Variants in CD8A observed in about 807,000 individuals in gnomAD.
The protein encoded by CD8A is T-cell surface glycoprotein CD8 alpha chain.
Under a neutral mutation model 24.2 loss-of-function variants are expected in CD8A, and 25 were observed. The observed-to-expected ratio is 1.03, with a 90% CI of 0.75 to 1.44. The LOEUF is 1.44. Among genes scored for constraint, CD8A ranks in the 40% most tolerant of loss-of-function variants. The pLI, the probability that CD8A is intolerant of heterozygous loss-of-function variation, is 0.00. For synonymous variants in CD8A, 165 were observed against 149.9 expected (o/e 1.10, Z -0.74); for missense variants, 360 against 319.7 (o/e 1.13, Z -0.96).
chr2:86,787,898 A>AGAGAGAGAGTGTGTGTGTGT (rs369993109), intron 5 of CD8A, among the ~76,000 whole-genome samples: 331 of 144,592 alleles, frequency 2.3e-3, no homozygotes, highest in Non-Finnish European at 3.4e-3. Context: ...AGAGAGAGAG[A>AGAGAGAGAGTGTGTGTGTGT]GTGTGTGTGT....
chr2:86,795,481 G>A (rs1360278488), upstream of CD8A, among the ~76,000 whole-genome samples: 1 of 152,180 alleles, frequency 6.6e-6, no homozygotes, highest in Non-Finnish European at 1.5e-5. Flanking sequence ...AGGAAGGGGA[G>A]AAGGCAGATG....
At chr2:86,795,809 G>T (rs1461965900), upstream of CD8A, among the ~76,000 whole-genome samples, 1 of 152,234 alleles carries the variant, frequency 6.6e-6, no homozygotes, top group Non-Finnish European at 1.5e-5. Flanking sequence ...AAAGTCAGAG[G>T]CTACTTTAAA....
intron 3 of CD8A, among the ~76,000 whole-genome samples, chr2:86,796,988 CT>C (rs1178280852): frequency 6.6e-6 from 1 of 152,176 alleles, no homozygotes; most frequent in Non-Finnish European, 1.5e-5. Context: ...GACTGATCTC[CT>C]ATCTCCTTGG....
Position 86,785,196 on chromosome 2 carries a change from A to G in CD8A, c.*724T>C, listed in dbSNP as rs575591308. 4.4e-6 allele frequency: 2 copies of G among 453,954 alleles called. No individual in the cohort carries two copies. Among genetic ancestry groups the G allele is most frequent in the Non-Finnish European group, 8.8e-6 (2 of 226,770 alleles). The allele number at this position is 453,954 out of a possible 1,614,324, so 28.1% of individuals were successfully genotyped here. A position where few individuals can be genotyped will look rare whatever the true frequency, so the allele number is the denominator to read the frequency against. ...TAGGGGTTTCACAGAGATTTTCTTT[A>G]GAGATAGAGGGATTCATTTTCCAGG... On this transcript the variant is annotated 3_prime_UTR_variant, in exon 6 of 6. Coordinates refer to ENST00000283635, the MANE Select transcript of CD8A (RefSeq NM_001768.7).
chr2:86,798,676 C>G (rs1428267500), intron 3 of CD8A, among the ~76,000 whole-genome samples: 1 of 152,120 alleles, frequency 6.6e-6, no homozygotes, highest in Non-Finnish European at 1.5e-5. Flanking sequence ...GTGCACGGCA[C>G]CATGCCCAGC....
intron 3 of CD8A, among the ~76,000 whole-genome samples, chr2:86,800,523 T>G (rs1216421700): frequency 1.3e-5 from 2 of 151,738 alleles, no homozygotes; most frequent in Non-Finnish European, 2.9e-5. Context: ...TGTCTTGAAA[T>G]TAAATTAAAA....
At chr2:86,790,245 GA>G in intron 2 of CD8A, 82 bp downstream of exon 2, 1 of 1,024,094 alleles carries the variant, frequency 9.8e-7, no homozygotes, top group Non-Finnish European at 1.5e-6. Context: ...TAAGAGGCTT[GA>G]AAGCAGGGCC....
chr2:86,790,341 C>T lies in CD8A; in HGVS notation c.390G>A (p.Pro130=). The change falls in exon 2 of 6, where the codon CCG becomes CCA. Residue 130 remains proline (P), a synonymous_variant. Transcript: ENST00000283635. The part of the protein sequence containing the change: ...NSIMYFSHFV[P]VFLPAKPTTT... ...CGGCGCGCGGACCTGGCAGGAAGAC[C>T]GGCACGAAGTGGCTGAAGTACATGA... 1.2e-6 allele frequency: 2 copies of T among 1,613,412 alleles called. No individual in the cohort carries two copies. Among genetic ancestry groups the T allele is most frequent in the Non-Finnish European group, 1.7e-6 (2 of 1,179,518 alleles).
intron 3 of CD8A, among the ~76,000 whole-genome samples, chr2:86,798,103 T>C (rs1673539756): frequency 6.6e-6 from 1 of 152,222 alleles, no homozygotes; most frequent in Non-Finnish European, 1.5e-5. Context: ...TATGAAATGT[T>C]CGTCTTTACC....
At chr2:86,803,904 A>T (rs1026212201) in intron 2 of CD8A, among the ~76,000 whole-genome samples, 1 of 152,238 alleles carries the variant, frequency 6.6e-6, no homozygotes. Flanking sequence ...GGTTATCAAG[A>T]TTGGAGTAGG....
In CD8A at chr2:86,788,421, C is replaced by T. The variant is rs1004549985; in HGVS notation, c.656+109G>A. 13 of 868,472 alleles carry T rather than the reference C, an allele frequency of 1.5e-5. 1 individual carries two copies. Among genetic ancestry groups the T allele is most frequent in the Non-Finnish European group, 2.3e-5 (12 of 519,476 alleles). The allele number at this position is 868,472 out of a possible 1,614,324, so 53.8% of individuals were successfully genotyped here. A position where few individuals can be genotyped will look rare whatever the true frequency, so the allele number is the denominator to read the frequency against. ...GCTGACTCCCTGCCCCAGGATTTCA[C>T]GGCCATGACCTCTCTCTGGGAAAAG... On this transcript the variant is annotated intron_variant, in intron 5 of 5. Coordinates refer to ENST00000283635, the MANE Select transcript of CD8A (RefSeq NM_001768.7).
At chr2:86,795,760 G>A (rs1397561242), upstream of CD8A, among the ~76,000 whole-genome samples, 2 of 152,134 alleles carry the variant, frequency 1.3e-5, no homozygotes, top group African/African-American at 4.8e-5. Context: ...AGAGCCCACA[G>A]CCACCCATGT....
chr2:86,791,153 T>C (rs1673292135), upstream of CD8A: 1 of 587,588 alleles, frequency 1.7e-6, no homozygotes, highest in Admixed American at 2.3e-5. Context: ...ATGGTTGTCT[T>C]GTGAGAGTGA....
chr2:86,805,001 C>T (rs1434910295), intron 2 of CD8A, among the ~76,000 whole-genome samples: 1 of 151,744 alleles, frequency 6.6e-6, no homozygotes, highest in Non-Finnish European at 1.5e-5. Flanking sequence ...CAGAGTTTTG[C>T]CATGTTGGCC....
At chr2:86,789,899 G>A (rs1353528305) in intron 2 of CD8A, 149 bp from the exon 3 acceptor site, 2 of 559,398 alleles carry the variant, frequency 3.6e-6, no homozygotes, top group Non-Finnish European at 3.0e-6. Context: ...GGGACCCCGG[G>A]ATGCGCGCGG....
chr2:86,803,692 C>A (rs528015562), intron 2 of CD8A, among the ~76,000 whole-genome samples: 1 of 152,306 alleles, frequency 6.6e-6, no homozygotes, highest in South Asian at 2.1e-4. Flanking sequence ...GCTGGGACTA[C>A]AGGCACCTGC....
chr2:86,791,577 C>G (rs542526339), upstream of CD8A: 37 of 454,104 alleles, frequency 8.1e-5, no homozygotes, highest in Non-Finnish European at 1.5e-4. Context: ...CTCTCCTGAT[C>G]AGTCCTCCAG....
At position 86,785,320 on chromosome 2, in the gene CD8A, A is replaced by C; in HGVS notation, c.*600T>G. On this transcript the variant is annotated 3_prime_UTR_variant, in exon 6 of 6. Coordinates refer to ENST00000283635, the MANE Select transcript of CD8A (RefSeq NM_001768.7). ...ATTGTTTACATTATAGAACTCTGCC[A>C]AAGGCAGTTCTCTTCTTTAATTCAT... 2.2e-6 allele frequency: 1 copy of C among 454,016 alleles called. No individual in the cohort carries two copies. Among genetic ancestry groups the C allele is most frequent in the Non-Finnish European group, 4.4e-6 (1 of 226,778 alleles). The allele number at this position is 454,016 out of a possible 1,614,324, so 28.1% of individuals were successfully genotyped here.
At chr2:86,808,169 C>T (rs1315094075) in exon 1 of CD8A, 1 of 152,434 alleles carries the variant, frequency 6.6e-6, no homozygotes, top group Non-Finnish European at 1.5e-5. Context: ...ACGTTTCCCA[C>T]TGTTACCCCA....
Sources: allele counts gnomAD v4.1 joint callset (sites outside exome capture counted in the v4.1 genomes callset), GRCh38; gene constraint gnomAD v4.1.1; transcripts MANE v1.5; gene names NCBI Gene and HGNC (gene_info 2026-07-23, HGNC 2026-07-21).